The following DTL variants were observed in gnomAD, a reference collection of about 807,000 sequenced individuals.
The protein encoded by DTL is denticleless protein homolog.
DTL carries 46 observed loss-of-function variants against 87.0 expected under a neutral mutation model. The ratio of observed to expected loss-of-function variants is 0.53; its 90% CI spans 0.42 to 0.68. DTL has a LOEUF of 0.68. Among genes scored for constraint, DTL ranks in the 30% least tolerant of loss-of-function variants. DTL has a pLI of 0.00. For missense variants in DTL, 737 were observed against 869.4 expected, an observed-to-expected ratio of 0.85 and a Z score of 1.91; for synonymous variants, 308 against 311.2, an observed-to-expected ratio of 0.99 and a Z score of 0.11.
intron 5 of DTL, among the ~76,000 whole-genome samples, chr1:212,057,148 A>G (rs991656675): frequency 6.6e-6 from 1 of 152,116 alleles, no homozygotes; most frequent in African/African-American, 2.4e-5. Context: ...AGGAGGCTCC[A>G]AGATCCCCAC....
chr1:212,051,507 T>A lies in DTL; in HGVS notation c.460+4090T>A, dbSNP rs1411691000. The A allele has an allele frequency of 8.5e-5, 45 of 528,876 alleles. 1 individual carries two copies. Among genetic ancestry groups the A allele is most frequent in the African/African-American group, 6.0e-4 (29 of 47,960 alleles). 32.8% of individuals were successfully genotyped at this position (528,876 alleles called of 1,614,324 possible). On this transcript the variant is annotated intron_variant, in intron 5 of 14. Coordinates refer to ENST00000366991, the MANE Select transcript of DTL (RefSeq NM_016448.4). The stretch of plus-strand genomic sequence containing the variant: ...TTTTTAGCCCAGAGGTCCTTTATTT[T>A]TTTTTTTTAACACCTATTATGCCAT...
intron 5 of DTL, among the ~76,000 whole-genome samples, chr1:212,048,573 A>G (rs566219743): frequency 1.8e-4 from 28 of 152,338 alleles, no homozygotes; most frequent in African/African-American, 5.8e-4. Context: ...TGGACAAGGA[A>G]GATTTAAGAG....
chr1:212,047,710 A>G (rs1315796887), intron 5 of DTL, among the ~76,000 whole-genome samples: 1 of 151,858 alleles, frequency 6.6e-6, no homozygotes, highest in African/African-American at 2.4e-5. Context: ...TAATTTTTGT[A>G]TTTTTAGTAG....
At position 212,072,113 on chromosome 1, in the gene DTL, A is replaced by T. The variant is rs144876166; in HGVS notation, c.935A>T (p.Asn312Ile). ...GLKTSPVAIF[N>I]GHQNSTFYVK... ...TTTCCTCTGGCAGTGGCTATTTTCA[A>T]TGGACACCAGAACTCTACCTTTTAT... Residue 312 changes from asparagine to isoleucine, a missense_variant, in exon 11 of 15, where the codon AAT becomes ATT. Coordinates refer to ENST00000366991, the MANE Select transcript of DTL (RefSeq NM_016448.4). The T allele has an allele frequency of 1.2e-6, 2 of 1,613,790 alleles. No individual in the cohort carries two copies. Among genetic ancestry groups the T allele is most frequent in the Non-Finnish European group, 1.7e-6 (2 of 1,179,916 alleles).
chr1:212,057,105 C>G (rs1668200296), intron 5 of DTL, among the ~76,000 whole-genome samples: 1 of 151,948 alleles, frequency 6.6e-6, no homozygotes, highest in South Asian at 2.1e-4. Context: ...GAAAACTTCC[C>G]AAGTCTAGCA....
chr1:212,062,675 C>G (rs139475840), intron 5 of DTL, among the ~76,000 whole-genome samples: 228 of 152,260 alleles, frequency 1.5e-3, no homozygotes, highest in African/African-American at 5.3e-3. Flanking sequence ...AGGGGTGATT[C>G]TATGAAGTTT....
chr1:212,037,486 G>T (rs1456899574), intron 1 of DTL, among the ~76,000 whole-genome samples: 1 of 152,186 alleles, frequency 6.6e-6, no homozygotes, highest in African/African-American at 2.4e-5. Flanking sequence ...CTCACTTAAT[G>T]TCTAGATAGG....
chr1:212,071,721 T>G (rs1041346323), intron 10 of DTL, among the ~76,000 whole-genome samples: 1 of 152,162 alleles, frequency 6.6e-6, no homozygotes, highest in African/African-American at 2.4e-5. Context: ...GGAAATTAGA[T>G]GAATATATTA....
At chr1:212,071,310 C>T (rs1654662225) in intron 10 of DTL, among the ~76,000 whole-genome samples, 1 of 152,104 alleles carries the variant, frequency 6.6e-6, no homozygotes. Flanking sequence ...TGAGATTTTT[C>T]TCTTGTATTT....
intron 11 of DTL, 32 bp downstream of exon 11, chr1:212,072,245 G>A: frequency 6.7e-7 from 1 of 1,488,636 alleles, no homozygotes; most frequent in Non-Finnish European, 9.4e-7. Context: ...ACAAGTGTTA[G>A]ACTGAAGTAT....
In DTL at chr1:212,043,115, T is replaced by A; in HGVS notation, c.175T>A (p.Ser59Thr). 1 of 1,610,996 alleles carries A rather than the reference T, an allele frequency of 6.2e-7. No individual in the cohort carries two copies. The highest frequency in any genetic ancestry group is 8.5e-7 in the Non-Finnish European group (1 of 1,178,860). Residue 59 changes from serine to threonine, a missense_variant, in exon 2 of 15, where the codon TCT (serine) becomes ACT (threonine). By Grantham distance (58) the Ser-to-Thr change is moderately conservative. Transcript: ENST00000366991. ...PVPPFGCTFSSAPNMEHVLAV... is the reference protein window; with the variant it reads ...PVPPFGCTFSTAPNMEHVLAV... ...TCCTCCTTTTGGATGTACCTTCTCT[T>A]CTGGTAAGAGAATTACTATCTAGGC...
At chr1:212,077,857 C>T (rs772423928) in intron 11 of DTL, among the ~76,000 whole-genome samples, 1 of 152,142 alleles carries the variant, frequency 6.6e-6, no homozygotes, top group Non-Finnish European at 1.5e-5. Context: ...GAATAAGGGA[C>T]AATGCCAGTC....
intron 5 of DTL, among the ~76,000 whole-genome samples, chr1:212,049,147 T>G (rs1376749199): frequency 6.6e-6 from 1 of 152,212 alleles, no homozygotes; most frequent in Non-Finnish European, 1.5e-5. Flanking sequence ...GGTCTCGAAC[T>G]CCTAACCTCA....
At chr1:212,083,534 T>C (rs776712997) in intron 13 of DTL, among the ~76,000 whole-genome samples, 7 of 152,076 alleles carry the variant, frequency 4.6e-5, no homozygotes, top group Non-Finnish European at 8.8e-5. Context: ...AGTGGGATGA[T>C]TGAAATTAAG....
intron 11 of DTL, among the ~76,000 whole-genome samples, chr1:212,075,553 A>G (rs1174894453): frequency 6.6e-6 from 1 of 152,198 alleles, no homozygotes; most frequent in Non-Finnish European, 1.5e-5. Flanking sequence ...TTTAAAAGCC[A>G]CCTGAATCTC....
In DTL at chr1:212,065,879, G is replaced by GT. The variant is rs554886578; in HGVS notation, c.639+857dup. ...CACCACCACGCCCAGCTAATTTTTT[G>GT]TTTTTTTAGTAGAGACGGGGTTTCA... is the stretch of plus-strand genomic sequence containing the variant. On this transcript the variant is annotated intron_variant, in intron 7 of 14. Coordinates refer to ENST00000366991, the MANE Select transcript of DTL (RefSeq NM_016448.4). Among the ~76,000 whole-genome samples, 307 of 151,900 alleles carry GT rather than the reference G, an allele frequency of 2.0e-3. 3 individuals are homozygous for GT. The highest frequency in any genetic ancestry group is 9.7e-3 in the East Asian group (50 of 5,174).
At chr1:212,053,533 A>G (rs1668062850) in intron 5 of DTL, among the ~76,000 whole-genome samples, 2 of 151,898 alleles carry the variant, frequency 1.3e-5, no homozygotes, top group African/African-American at 4.8e-5. Flanking sequence ...GCTGAGATTT[A>G]TCATCTTTTT....
intron 5 of DTL, among the ~76,000 whole-genome samples, chr1:212,050,726 A>AATG (rs78760417): frequency 7.9e-5 from 12 of 151,878 alleles, no homozygotes; most frequent in Non-Finnish European, 1.0e-4. Flanking sequence ...TTAGGAGAAG[A>AATG]TATTTGGCCT....
chr1:212,043,129 T>G lies in DTL; in HGVS notation c.178+11T>G. 3 of 1,608,500 alleles carry G rather than the reference T, an allele frequency of 1.9e-6. No individual in the cohort carries two copies. In the East Asian group the frequency reaches 6.7e-5, roughly 36 times the overall value. On this transcript the variant is annotated intron_variant, in intron 2 of 14. Coordinates refer to ENST00000366991, the MANE Select transcript of DTL (RefSeq NM_016448.4). ...GTACCTTCTCTTCTGGTAAGAGAATTACTATCTAGGCAAGGCTTGGACAGA... is the reference window on the plus strand; with the variant it reads ...GTACCTTCTCTTCTGGTAAGAGAATGACTATCTAGGCAAGGCTTGGACAGA...
Sources: gnomAD v4.1 joint callset for allele counts (sites outside exome capture counted in the v4.1 genomes callset) on GRCh38, gnomAD v4.1.1 for gene constraint, MANE v1.5 for transcripts, NCBI Gene and HGNC (gene_info 2026-07-23, HGNC 2026-07-21) for gene names.